The following CIAPIN1 variants were observed in gnomAD, a reference collection of about 807,000 sequenced individuals.
CIAPIN1 encodes cytokine induced apoptosis inhibitor 1.
In CIAPIN1, 18 loss-of-function variants were observed where a neutral mutation model predicts 34.3. The ratio of observed to expected loss-of-function variants is 0.52; its 90% CI spans 0.36 to 0.78. CIAPIN1 has a LOEUF of 0.78. Among genes scored for constraint, CIAPIN1 ranks in the 30% least tolerant of loss-of-function variants. The pLI is 0.00. For synonymous variants in CIAPIN1, 131 were observed against 140.4 expected (o/e 0.93, Z 0.47); for missense variants, 310 against 372.5 (o/e 0.83, Z 1.38).
At position 57,439,305 on chromosome 16, in the gene CIAPIN1, T is replaced by A. The variant is rs183776874; in HGVS notation, c.187A>T (p.Ile63Phe). 1 of 1,614,028 alleles carries A rather than the reference T, an allele frequency of 6.2e-7. No homozygotes were observed. Among genetic ancestry groups the A allele is most frequent in the Non-Finnish European group, 8.5e-7 (1 of 1,180,002 alleles). Residue 63 changes from isoleucine to phenylalanine, a missense_variant, in exon 3 of 9, where the codon ATT (isoleucine) becomes TTT (phenylalanine). Ile to Phe is a conservative substitution (Grantham distance 21, BLOSUM62 0). Transcript: ENST00000394391. ...CTTCCTGGGACTAAACCTGACAAAA[T>A]AATGTCAAAGCTGGATTCTTTGTGG... is the stretch of plus-strand genomic sequence containing the variant. ...SAHKESSFDI[I>F]LSGLVPGSTT... is the part of the protein sequence containing the mutation.
chr16:57,436,324 T>C (rs1598024973), intron 4 of CIAPIN1, among the ~76,000 whole-genome samples: 1 of 152,202 alleles, frequency 6.6e-6, no homozygotes, highest in Non-Finnish European at 1.5e-5. Context: ...GCCTCTCAGG[T>C]TGACGCCATT....
intron 4 of CIAPIN1, 24 bp downstream of exon 4, chr16:57,436,632 A>G (rs1271133502): frequency 1.3e-6 from 2 of 1,593,490 alleles, no homozygotes; most frequent in Non-Finnish European, 1.7e-6. Flanking sequence ...GCAGGGCAGC[A>G]AAGAAAGTTG....
chr16:57,439,365 T>A, intron 2 of CIAPIN1, 31 bp from the exon 3 acceptor site: 1 of 1,613,120 alleles, frequency 6.2e-7, no homozygotes, highest in Non-Finnish European at 8.5e-7. Flanking sequence ...ATTAGCAATC[T>A]CCTGAGCCTG....
At chr16:57,429,390 C>A in intron 8 of CIAPIN1, 110 bp from the exon 9 acceptor site, 1 of 714,660 alleles carries the variant, frequency 1.4e-6, no homozygotes, top group South Asian at 1.7e-5. Flanking sequence ...AAGGAAATGG[C>A]TATGTTTGCA....
intron 8 of CIAPIN1, among the ~76,000 whole-genome samples, chr16:57,429,735 G>T (rs531936025): frequency 6.7e-6 from 1 of 150,312 alleles, no homozygotes; most frequent in African/African-American, 2.5e-5. Context: ...CTCGTGATCC[G>T]CCCTCCTTGG....
At chr16:57,438,315 G>C (rs1903248586) in intron 3 of CIAPIN1, among the ~76,000 whole-genome samples, 1 of 152,180 alleles carries the variant, frequency 6.6e-6, no homozygotes, top group African/African-American at 2.4e-5. Flanking sequence ...CATGAACACT[G>C]TCATTAGTTT....
intron 7 of CIAPIN1, 48 bp downstream of exon 7, chr16:57,431,103 G>A: frequency 8.6e-7 from 1 of 1,162,076 alleles, no homozygotes. Flanking sequence ...TCTTCAGCAT[G>A]AAGCCACTGG....
At chr16:57,445,840 T>TG (rs1376606612) in intron 1 of CIAPIN1, among the ~76,000 whole-genome samples, 97 of 122,044 alleles carry the variant, frequency 7.9e-4, no homozygotes, top group Non-Finnish European at 1.0e-3. Flanking sequence ...AGAGGTTTTT[T>TG]TTTTTTTTTT....
chr16:57,441,813 G>A (rs74019515), intron 1 of CIAPIN1, among the ~76,000 whole-genome samples: 29 of 152,256 alleles, frequency 1.9e-4, no homozygotes, highest in African/African-American at 6.5e-4. Context: ...AAGAAATTAG[G>A]TCAAGAGATA....
At chr16:57,431,310 G>T in intron 6 of CIAPIN1, 44 bp from the exon 7 acceptor site, 1 of 1,364,666 alleles carries the variant, frequency 7.3e-7, no homozygotes, top group Non-Finnish European at 1.0e-6. Flanking sequence ...CGTGGTCTCT[G>T]CTAATGAAAA....
At chr16:57,430,214 C>A in intron 8 of CIAPIN1, 44 bp downstream of exon 8, 1 of 1,536,900 alleles carries the variant, frequency 6.5e-7, no homozygotes, top group South Asian at 1.1e-5. Context: ...AGGTCTAATC[C>A]CCCTGGGGGT....
At chr16:57,443,893 A>G (rs2029950050) in intron 1 of CIAPIN1, among the ~76,000 whole-genome samples, 1 of 152,146 alleles carries the variant, frequency 6.6e-6, no homozygotes. Context: ...GCCAGGCAAG[A>G]TGGGAGTATG....
chr16:57,445,288 C>T (rs1451306241), intron 1 of CIAPIN1, among the ~76,000 whole-genome samples: 2 of 152,150 alleles, frequency 1.3e-5, no homozygotes, highest in African/African-American at 4.8e-5. Flanking sequence ...AAGTGGATCA[C>T]CTGAGGTCAG....
At chr16:57,433,955 AT>A in intron 5 of CIAPIN1, 88 bp downstream of exon 5, 1 of 1,171,748 alleles carries the variant, frequency 8.5e-7, no homozygotes, top group Non-Finnish European at 1.3e-6. Context: ...TCCTCTAAAA[AT>A]ATCACCATCT....
At chr16:57,434,493 C>T (rs1322182886) in intron 4 of CIAPIN1, among the ~76,000 whole-genome samples, 17 of 152,068 alleles carry the variant, frequency 1.1e-4, no homozygotes, top group African/African-American at 4.1e-4. Flanking sequence ...GGATGTAATA[C>T]AATTATGAAA....
intron 1 of CIAPIN1, among the ~76,000 whole-genome samples, chr16:57,446,514 T>C (rs971574271): frequency 6.6e-6 from 1 of 152,144 alleles, no homozygotes; most frequent in South Asian, 2.1e-4. Flanking sequence ...AATCACATGC[T>C]CTTGTCGTCA....
chr16:57,430,436 A>G, intron 7 of CIAPIN1, 97 bp from the exon 8 acceptor site: 1 of 1,112,688 alleles, frequency 9.0e-7, no homozygotes, highest in Non-Finnish European at 1.4e-6. Flanking sequence ...TTTTCTCTTC[A>G]CACCAGTGTC....
chr16:57,431,044 T>C, intron 7 of CIAPIN1, 107 bp downstream of exon 7: 1 of 644,830 alleles, frequency 1.6e-6, no homozygotes. Flanking sequence ...CTCCCTGTGT[T>C]GCCCAGCCTG....
At chr16:57,443,905 A>G (rs223854) in intron 1 of CIAPIN1, among the ~76,000 whole-genome samples, 4,188 of 152,156 alleles carry the variant, frequency 0.028, 82 homozygotes, top group Middle Eastern at 0.071. Context: ...GGGAGTATGG[A>G]TTGCTGGGCA....
Sources: allele counts gnomAD v4.1 joint callset (sites outside exome capture counted in the v4.1 genomes callset), GRCh38; gene constraint gnomAD v4.1.1; transcripts MANE v1.5; gene names NCBI Gene and HGNC (gene_info 2026-07-23, HGNC 2026-07-21).